ADAMTSL1: variants seen among roughly 807,000 people sequenced by gnomAD.
ADAMTSL1 encodes ADAMTS-like protein 1.
A neutral mutation model predicts 201.8 loss-of-function variants in ADAMTSL1; 126 were observed. That is an observed-to-expected ratio of 0.62 (90% CI 0.54 to 0.72). The LOEUF is 0.72. Among genes scored for constraint, ADAMTSL1 ranks in the 30% least tolerant of loss-of-function variants. ADAMTSL1 has a pLI of 0.00. For synonymous variants in ADAMTSL1, 1,121 were observed against 903.4 expected (o/e 1.24, Z -4.32); for missense variants, 2,679 against 2,277.8 (o/e 1.18, Z -3.59).
chr9:18,462,728 C>A (rs1186496484), intron 2 of ADAMTSL1, among the ~76,000 whole-genome samples: 6 of 152,092 alleles, frequency 3.9e-5, no homozygotes, highest in Middle Eastern at 3.4e-3. Flanking sequence ...TACCTGAGGT[C>A]AGGAGTTTGA....
In ADAMTSL1 at chr9:18,663,536, T is replaced by G. The variant is rs184771264; in HGVS notation, c.1085+1463T>G. On this transcript the variant is annotated intron_variant, in intron 9 of 28. Coordinates refer to ENST00000380548, the MANE Select transcript of ADAMTSL1 (RefSeq NM_001040272.6). ...TTAAAATTATTCTACTTATATATTT[T>G]TATGCATAACTGTAATAGGAAGACC... Among the ~76,000 whole-genome samples the G allele has an allele frequency of 4.0e-3, 602 of 152,234 alleles. 6 individuals are homozygous for G. Among genetic ancestry groups the G allele is most frequent in the Non-Finnish European group, 3.4e-3 (233 of 67,978 alleles).
intron 3 of ADAMTSL1, among the ~76,000 whole-genome samples, chr9:18,546,529 C>T (rs1033772621): frequency 3.3e-5 from 5 of 152,064 alleles, no homozygotes; most frequent in African/African-American, 1.2e-4. Flanking sequence ...ATCCCTTTCC[C>T]AAGCAGCATA....
At chr9:18,182,268 C>G (rs1386004570) in intron 2 of ADAMTSL1, among the ~76,000 whole-genome samples, 1 of 149,940 alleles carries the variant, frequency 6.7e-6, no homozygotes, top group Non-Finnish European at 1.5e-5. Flanking sequence ...TGCACAAGTA[C>G]CCTAAAACTT....
intron 23 of ADAMTSL1, among the ~76,000 whole-genome samples, chr9:18,876,401 G>C (rs1828161182): frequency 6.6e-6 from 1 of 150,962 alleles, no homozygotes; most frequent in African/African-American, 2.4e-5. Flanking sequence ...TTGAGGATTT[G>C]TTTCAAGATT....
At chr9:18,179,511 A>C (rs1406663893) in intron 2 of ADAMTSL1, among the ~76,000 whole-genome samples, 2 of 152,222 alleles carry the variant, frequency 1.3e-5, no homozygotes, top group Non-Finnish European at 2.9e-5. Flanking sequence ...ATTCAGATTC[A>C]GAAAATACAG....
intron 7 of ADAMTSL1, among the ~76,000 whole-genome samples, chr9:18,647,294 C>T (rs1827879975): frequency 6.6e-6 from 1 of 151,764 alleles, no homozygotes; most frequent in Admixed American, 6.6e-5. Context: ...CTTTATTAGT[C>T]TTCCTAGTGG....
chr9:18,399,616 G>A (rs1003282545), intron 2 of ADAMTSL1, among the ~76,000 whole-genome samples: 1 of 151,898 alleles, frequency 6.6e-6, no homozygotes, highest in Non-Finnish European at 1.5e-5. Flanking sequence ...CTCTGAAAGT[G>A]CTGGGATTAC....
At chr9:18,020,035 C>T (rs1380634467) in intron 1 of ADAMTSL1, among the ~76,000 whole-genome samples, 1 of 152,028 alleles carries the variant, frequency 6.6e-6, no homozygotes, top group Non-Finnish European at 1.5e-5. Context: ...TTCTTCAACA[C>T]TATTATTTTT....
At chr9:18,577,063 C>T (rs915292409) in intron 4 of ADAMTSL1, among the ~76,000 whole-genome samples, 3 of 152,174 alleles carry the variant, frequency 2.0e-5, no homozygotes, top group African/African-American at 4.8e-5. Context: ...TTAAAAGACA[C>T]AACTCTTAAG....
rs74410962 is a variant in ADAMTSL1, at chr9:18,788,192, A to G, written c.3678-7205A>G. ...AATCTGTTGCCCAAAATTTTTGTAC[A>G]AAATAAAATTCTCCCTTGCAAGCCT... is the stretch of plus-strand genomic sequence containing the variant. On this transcript the variant is annotated intron_variant, in intron 19 of 28. Coordinates refer to ENST00000380548, the MANE Select transcript of ADAMTSL1 (RefSeq NM_001040272.6). 5.8e-3 allele frequency among the ~76,000 whole-genome samples: 883 copies of G among 152,300 alleles called. 5 individuals carry two copies. The highest frequency in any genetic ancestry group is 0.049 in the South Asian group (234 of 4,816).
chr9:18,893,925 C>T (rs1308931170), intron 26 of ADAMTSL1, among the ~76,000 whole-genome samples: 1 of 152,228 alleles, frequency 6.6e-6, no homozygotes, highest in Non-Finnish European at 1.5e-5. Flanking sequence ...AATAATTCAG[C>T]TTTCTCCTTT....
At chr9:17,960,452 T>C (rs1563920343) in intron 1 of ADAMTSL1, among the ~76,000 whole-genome samples, 3 of 152,218 alleles carry the variant, frequency 2.0e-5, no homozygotes, top group South Asian at 4.1e-4. Flanking sequence ...GTCATTGTTA[T>C]AGAAAGAAAA....
chr9:18,557,088 T>C (rs1342314753), intron 3 of ADAMTSL1, among the ~76,000 whole-genome samples: 1 of 151,980 alleles, frequency 6.6e-6, no homozygotes, highest in African/African-American at 2.4e-5. Context: ...GAACCCTACT[T>C]CTTTCCCCTC....
intron 1 of ADAMTSL1, among the ~76,000 whole-genome samples, chr9:18,072,218 A>G (rs1823001383): frequency 6.6e-6 from 1 of 152,182 alleles, no homozygotes; most frequent in Admixed American, 6.5e-5. Flanking sequence ...AATATTTTTC[A>G]TTACTTTCGA....
chr9:18,273,036 A>G (rs1832441097), intron 2 of ADAMTSL1, among the ~76,000 whole-genome samples: 1 of 152,154 alleles, frequency 6.6e-6, no homozygotes, highest in Admixed American at 6.5e-5. Context: ...GAAAATAGAC[A>G]CTCATTCTTT....
At chr9:18,223,420 G>A (rs1010318924) in intron 2 of ADAMTSL1, among the ~76,000 whole-genome samples, 3 of 151,980 alleles carry the variant, frequency 2.0e-5, no homozygotes, top group Admixed American at 6.6e-5. Context: ...AAATATGTAA[G>A]TTAGAATTTT....
chr9:18,778,035 C>G, intron 19 of ADAMTSL1, 129 bp downstream of exon 19: 3 of 1,176,942 alleles, frequency 2.5e-6, no homozygotes, highest in South Asian at 1.7e-5. Context: ...GGGACCCCAT[C>G]ATGGGGTGCA....
At chr9:18,118,102 G>A (rs938096131) in intron 1 of ADAMTSL1, among the ~76,000 whole-genome samples, 3 of 152,154 alleles carry the variant, frequency 2.0e-5, no homozygotes, top group Non-Finnish European at 4.4e-5. Flanking sequence ...GGTAGGGCTG[G>A]ATTTGCTCTC....
chr9:18,279,518 G>A (rs1486237521), intron 2 of ADAMTSL1, among the ~76,000 whole-genome samples: 1 of 151,412 alleles, frequency 6.6e-6, no homozygotes, highest in Non-Finnish European at 1.5e-5. Context: ...ATTTGAAAAA[G>A]CAGGCACTTC....
Sources: allele counts gnomAD v4.1 joint callset (sites outside exome capture counted in the v4.1 genomes callset), GRCh38; gene constraint gnomAD v4.1.1; transcripts MANE v1.5; gene names NCBI Gene and HGNC (gene_info 2026-07-23, HGNC 2026-07-21).